TMEM232: variants seen among roughly 807,000 people sequenced by gnomAD.
TMEM232 encodes the protein transmembrane protein 232.
A neutral mutation model predicts 78.8 loss-of-function variants in TMEM232; 80 were observed. The observed-to-expected ratio is 1.01, with a 90% CI of 0.85 to 1.22. The LOEUF (loss-of-function observed/expected upper bound fraction) is 1.22. Ranked by LOEUF, TMEM232 falls within the 50% of genes most tolerant of loss-of-function variation. The pLI, the probability that TMEM232 is intolerant of heterozygous loss-of-function variation, is 0.00. For missense variants in TMEM232, 881 were observed against 742.2 expected, an observed-to-expected ratio of 1.19 and a Z score of -2.17; for synonymous variants, 297 against 254.3, an observed-to-expected ratio of 1.17 and a Z score of -1.60.
chr5:110,692,080 T>C (rs2431648), intron 1 of TMEM232, among the ~76,000 whole-genome samples: 151,244 of 152,188 alleles, frequency 0.99, 75,164 homozygotes, highest in Non-Finnish European at 1. Flanking sequence ...GCCACCACGC[T>C]CGGCTAATTT....
chr5:110,460,670 CTT>C (rs34537993), intron 12 of TMEM232, among the ~76,000 whole-genome samples: 43 of 139,016 alleles, frequency 3.1e-4, no homozygotes, highest in East Asian at 1.4e-3. Flanking sequence ...TTGCATTTTT[CTT>C]TTTTTTTTTT....
At chr5:110,396,160 G>T (rs113227361) in intron 3 of TMEM232, among the ~76,000 whole-genome samples, 3 of 152,034 alleles carry the variant, frequency 2.0e-5, no homozygotes, top group African/African-American at 7.2e-5. Flanking sequence ...ATGGTGGCAG[G>T]AGAGAGAGAG....
upstream of TMEM232, among the ~76,000 whole-genome samples, chr5:110,727,666 C>A (rs1173178251): frequency 6.6e-6 from 1 of 152,058 alleles, no homozygotes; most frequent in Non-Finnish European, 1.5e-5. Flanking sequence ...AATGACCTGC[C>A]TTTAAAAATT....
intron 11 of TMEM232, among the ~76,000 whole-genome samples, chr5:110,533,960 C>T (rs527372969): frequency 1.3e-5 from 2 of 152,280 alleles, no homozygotes; most frequent in South Asian, 4.1e-4. Context: ...TCTCAGTGTT[C>T]CATCTGCTAT....
At chr5:110,667,996 G>A (rs1003276532) in intron 1 of TMEM232, among the ~76,000 whole-genome samples, 1 of 152,022 alleles carries the variant, frequency 6.6e-6, no homozygotes, top group African/African-American at 2.4e-5. Flanking sequence ...TTTGTGTTTA[G>A]TGGAGATTTA....
intron 12 of TMEM232, among the ~76,000 whole-genome samples, chr5:110,468,628 T>TA (rs1200524931): frequency 6.6e-6 from 1 of 152,112 alleles, no homozygotes; most frequent in African/African-American, 2.4e-5. Context: ...TATATAAGTA[T>TA]AACCCCAGGA....
At position 110,577,183 on chromosome 5, in the gene TMEM232, GA is replaced by G. The variant is rs561641293; in HGVS notation, c.1277-8559del. On this transcript the variant is annotated intron_variant, in intron 10 of 13. Transcript: ENST00000455884. The stretch of plus-strand genomic sequence containing the variant: ...ATAAGAAAATTAAACAAATTTACAA[GA>G]AAAAAAATCCCATAAAAAGTAGGCA... Among the ~76,000 whole-genome samples the G allele has an allele frequency of 7.6e-4, 115 of 151,280 alleles. 1 individual carries two copies. Among genetic ancestry groups the G allele is most frequent in the African/African-American group, 2.5e-3 (102 of 41,234 alleles).
chr5:110,473,386 C>A (rs974377105), intron 12 of TMEM232, among the ~76,000 whole-genome samples: 1 of 151,632 alleles, frequency 6.6e-6, no homozygotes, highest in African/African-American at 2.4e-5. Flanking sequence ...TGAGATATCA[C>A]CGCCCTCCAG....
intron 12 of TMEM232, among the ~76,000 whole-genome samples, chr5:110,483,498 G>A (rs927514231): frequency 2.6e-5 from 4 of 151,524 alleles, no homozygotes; most frequent in Admixed American, 2.6e-4. Context: ...CTATCACAAG[G>A]ACAAAAAACC....
At chr5:110,622,531 T>C (rs1261211229) in intron 7 of TMEM232, among the ~76,000 whole-genome samples, 7 of 152,152 alleles carry the variant, frequency 4.6e-5, no homozygotes, top group Admixed American at 1.3e-4. Context: ...TCATCATTTT[T>C]TATGGCTGCA....
At chr5:110,562,442 T>G (rs539446042) in intron 11 of TMEM232, among the ~76,000 whole-genome samples, 3 of 152,210 alleles carry the variant, frequency 2.0e-5, no homozygotes, top group African/African-American at 7.2e-5. Context: ...CAACTTATAA[T>G]TTAAATTTCC....
intron 12 of TMEM232, among the ~76,000 whole-genome samples, chr5:110,451,009 A>C (rs1309564365): frequency 6.6e-6 from 1 of 152,130 alleles, no homozygotes; most frequent in Non-Finnish European, 1.5e-5. Flanking sequence ...GGTCACTAAG[A>C]AAAGAACCTG....
At chr5:110,533,179 C>T (rs1240213374) in intron 11 of TMEM232, among the ~76,000 whole-genome samples, 1 of 152,196 alleles carries the variant, frequency 6.6e-6, no homozygotes, top group Non-Finnish European at 1.5e-5. Flanking sequence ...TCAGTCCCAG[C>T]AGATTACCTA....
intron 1 of TMEM232, among the ~76,000 whole-genome samples, chr5:110,696,577 C>T (rs1259494258): frequency 6.6e-6 from 1 of 152,168 alleles, no homozygotes; most frequent in South Asian, 2.1e-4. Flanking sequence ...CCAAAATCTC[C>T]TTAAGCTGAT....
chr5:110,455,351 A>G (rs1051990581), intron 12 of TMEM232, among the ~76,000 whole-genome samples: 1 of 152,124 alleles, frequency 6.6e-6, no homozygotes, highest in African/African-American at 2.4e-5. Context: ...AACCTAGTGA[A>G]CAATATTTCT....
At chr5:110,496,666 C>T (rs747287501) in intron 12 of TMEM232, among the ~76,000 whole-genome samples, 1 of 151,944 alleles carries the variant, frequency 6.6e-6, no homozygotes, top group South Asian at 2.1e-4. Context: ...GTCCGCAAGG[C>T]TCATAAGGAG....
At chr5:110,650,293 TA>T (rs901036800) in intron 2 of TMEM232, among the ~76,000 whole-genome samples, 6 of 152,114 alleles carry the variant, frequency 3.9e-5, no homozygotes, top group African/African-American at 1.4e-4. Flanking sequence ...TTTCTTCTAA[TA>T]AATTTTTATA....
chr5:110,625,300 A>G lies in TMEM232; in HGVS notation c.735T>C (p.Asp245=). ...AATCTGTGTTCTCATATCTTTTCTT[A>G]TCTTCCACAGGTCTAAAAATGGATT... The part of the protein sequence containing the change: ...RSESIFRPVE[D]KKRYENTDSD... The change falls in exon 7 of 14, where the codon GAT becomes GAC. Residue 245 remains aspartate (D), a synonymous_variant. Coordinates refer to ENST00000455884, the MANE Select transcript of TMEM232 (RefSeq NM_001039763.4). The G allele has an allele frequency of 6.5e-7, 1 of 1,543,048 alleles. No individual in the cohort carries two copies. Among genetic ancestry groups the G allele is most frequent in the Non-Finnish European group, 8.7e-7 (1 of 1,143,162 alleles).
chr5:110,501,802 A>G (rs1766292971), intron 12 of TMEM232, among the ~76,000 whole-genome samples: 1 of 152,182 alleles, frequency 6.6e-6, no homozygotes, highest in African/African-American at 2.4e-5. Context: ...TGAAGCTATC[A>G]AAGTGTAAAA....
Sources: gnomAD v4.1 joint callset for allele counts (sites outside exome capture counted in the v4.1 genomes callset) on GRCh38, gnomAD v4.1.1 for gene constraint, MANE v1.5 for transcripts, NCBI Gene and HGNC (gene_info 2026-07-23, HGNC 2026-07-21) for gene names.